Variants in SLC24A3 observed in about 807,000 individuals in gnomAD.
The protein encoded by SLC24A3 is solute carrier family 24 member 3, also known as sodium/potassium/calcium exchanger 3.
SLC24A3 carries 28 observed loss-of-function variants against 75.8 expected under a neutral mutation model. That is an observed-to-expected ratio of 0.37 (90% CI 0.27 to 0.51). The LOEUF is 0.51. Among genes scored for constraint, SLC24A3 ranks in the 20% least tolerant of loss-of-function variants. The probability of loss-of-function intolerance (pLI) is 0.94; values close to 1 mark genes in which losing one functional copy is unlikely to be tolerated. For synonymous variants in SLC24A3, 372 were observed against 334.1 expected (o/e 1.11, Z -1.24); for missense variants, 663 against 847.8 (o/e 0.78, Z 2.71).
In SLC24A3 at chr20:19,515,697, G is replaced by A. The variant is rs560812570; in HGVS notation, c.348+133G>A. 236 of 779,516 alleles carry A rather than the reference G, an allele frequency of 3.0e-4. 3 individuals are homozygous for A. The highest frequency in any genetic ancestry group is 2.3e-3 in the Middle Eastern group (6 of 2,640). 48.3% of individuals were successfully genotyped at this position (779,516 alleles called of 1,614,324 possible). A position where few individuals can be genotyped will look rare whatever the true frequency, so the allele number is the denominator to read the frequency against. On this transcript the variant is annotated intron_variant, in intron 3 of 16. Coordinates refer to ENST00000328041, the MANE Select transcript of SLC24A3 (RefSeq NM_020689.4). ...CCACGCTGCCTGGTGGGGGTCCTTC[G>A]AGCTCTGTAGGGGGCCATCACCAAA...
intron 2 of SLC24A3, among the ~76,000 whole-genome samples, chr20:19,464,909 T>C (rs1987738881): frequency 2.6e-5 from 4 of 152,244 alleles, no homozygotes; most frequent in African/African-American, 9.6e-5. Context: ...GTTGGCAGGA[T>C]ACTGCAGGCT....
intron 6 of SLC24A3, among the ~76,000 whole-genome samples, chr20:19,606,608 A>C (rs1020861529): frequency 5.3e-5 from 8 of 152,278 alleles, no homozygotes; most frequent in Admixed American, 3.3e-4. Flanking sequence ...TTTGTGCATA[A>C]ATATAAATAG....
At chr20:19,325,683 T>C (rs1395985818) in intron 2 of SLC24A3, among the ~76,000 whole-genome samples, 1 of 146,714 alleles carries the variant, frequency 6.8e-6, no homozygotes, top group Non-Finnish European at 1.5e-5. Flanking sequence ...GATTTTTTTG[T>C]TTTTTTGTTT....
intron 3 of SLC24A3, among the ~76,000 whole-genome samples, chr20:19,540,026 A>ACCTG (rs968457784): frequency 6.6e-6 from 1 of 152,044 alleles, no homozygotes; most frequent in African/African-American, 2.4e-5. Flanking sequence ...TTTGGGAGAG[A>ACCTG]CCTGTTTTGG....
At chr20:19,335,139 C>CAT (rs745488217) in intron 2 of SLC24A3, among the ~76,000 whole-genome samples, 16 of 152,098 alleles carry the variant, frequency 1.1e-4, no homozygotes. Flanking sequence ...TAAATAGCTA[C>CAT]ATACGGTTAT....
chr20:19,627,155 G>A (rs878914814), intron 6 of SLC24A3, among the ~76,000 whole-genome samples: 1 of 152,158 alleles, frequency 6.6e-6, no homozygotes, highest in Admixed American at 6.5e-5. Flanking sequence ...AAGATCTGAC[G>A]AAGTGAAAGT....
At chr20:19,546,173 A>AAAAACAAAC (rs2030589883) in intron 3 of SLC24A3, among the ~76,000 whole-genome samples, 1 of 149,002 alleles carries the variant, frequency 6.7e-6, no homozygotes, top group Non-Finnish European at 1.5e-5. Flanking sequence ...AAAAAAAAAA[A>AAAAACAAAC]AAAAAAAAAA....
Position 19,450,991 on chromosome 20 carries a change from C to A in SLC24A3, c.272-64497C>A, listed in dbSNP as rs56898925. On this transcript the variant is annotated intron_variant, in intron 2 of 16. Transcript: ENST00000328041. ...CTCCAGCCTGGGTGACAGAGCGAGA[C>A]TCTGTTTCAAAAAAAAAGGAAGAAA... 4.5e-3 allele frequency among the ~76,000 whole-genome samples: 690 copies of A among 152,122 alleles called. 5 individuals carry two copies. The highest frequency in any genetic ancestry group is 0.016 in the African/African-American group (653 of 41,514).
At chr20:19,351,157 C>T (rs558091475) in intron 2 of SLC24A3, among the ~76,000 whole-genome samples, 24 of 152,314 alleles carry the variant, frequency 1.6e-4, no homozygotes, top group Middle Eastern at 3.4e-3. Flanking sequence ...TTCCCTATGT[C>T]AACACCTTAT....
At chr20:19,696,712 C>A (rs113920890) in intron 13 of SLC24A3, 85 bp from the exon 14 acceptor site, 3 of 872,896 alleles carry the variant, frequency 3.4e-6, no homozygotes, top group Non-Finnish European at 5.7e-6. Flanking sequence ...AGACCATAGC[C>A]TGTTGTGAGT....
rs369462091 is a variant in SLC24A3 at position 19,564,476 on chromosome 20, C to T, written c.349-15524C>T. Among the ~76,000 whole-genome samples, 41 of 152,270 alleles carry T rather than the reference C, an allele frequency of 2.7e-4. No homozygotes were observed. In the East Asian group the frequency reaches 3.5e-3, roughly 13 times the overall value. ...TCATCATCCTTGTCTCCACCATCAT[C>T]ATATCACAATCACTATCGTCACCAT... is the stretch of plus-strand genomic sequence containing the variant. On this transcript the variant is annotated intron_variant, in intron 3 of 16. Transcript: ENST00000328041.
chr20:19,612,665 A>G (rs2031686524), intron 6 of SLC24A3, among the ~76,000 whole-genome samples: 1 of 149,458 alleles, frequency 6.7e-6, no homozygotes, highest in African/African-American at 2.5e-5. Flanking sequence ...TTAAAAATAC[A>G]TCCAGAATCT....
intron 2 of SLC24A3, among the ~76,000 whole-genome samples, chr20:19,367,938 A>T (rs1026720575): frequency 1.4e-4 from 21 of 152,240 alleles, no homozygotes; most frequent in African/African-American, 4.8e-4. Context: ...CTGCTATGAG[A>T]TTCAAAAGAA....
intron 2 of SLC24A3, among the ~76,000 whole-genome samples, chr20:19,385,768 A>G (rs542927713): frequency 6.5e-4 from 99 of 152,036 alleles, no homozygotes; most frequent in Middle Eastern, 3.4e-3. Flanking sequence ...CAGCCTTGCA[A>G]GTAGCTGGGA....
intron 3 of SLC24A3, among the ~76,000 whole-genome samples, chr20:19,540,213 C>G (rs188048338): frequency 6.6e-6 from 1 of 152,150 alleles, no homozygotes; most frequent in Non-Finnish European, 1.5e-5. Flanking sequence ...CCCAGCATGA[C>G]CCATCCCAAG....
At chr20:19,476,723 G>C (rs1305451302) in intron 2 of SLC24A3, among the ~76,000 whole-genome samples, 1 of 152,164 alleles carries the variant, frequency 6.6e-6, no homozygotes, top group African/African-American at 2.4e-5. Flanking sequence ...CCAGTTGAAA[G>C]TATGGGGCCT....
intron 2 of SLC24A3, among the ~76,000 whole-genome samples, chr20:19,284,938 T>C (rs1983769786): frequency 6.6e-6 from 1 of 152,180 alleles, no homozygotes; most frequent in African/African-American, 2.4e-5. Context: ...AGAAAACTTC[T>C]TCCCCTTGAC....
At chr20:19,242,770 A>G (rs946068113) in intron 1 of SLC24A3, among the ~76,000 whole-genome samples, 2 of 152,226 alleles carry the variant, frequency 1.3e-5, no homozygotes, top group Non-Finnish European at 2.9e-5. Flanking sequence ...AAATGGAGGC[A>G]AAATTGGTTT....
At chr20:19,219,666 G>A (rs1981653776) in intron 1 of SLC24A3, among the ~76,000 whole-genome samples, 2 of 152,136 alleles carry the variant, frequency 1.3e-5, no homozygotes, top group African/African-American at 4.8e-5. Flanking sequence ...GGCAAAAGAT[G>A]CAGACAGGCA....
Sources: allele counts gnomAD v4.1 joint callset (sites outside exome capture counted in the v4.1 genomes callset), GRCh38; gene constraint gnomAD v4.1.1; transcripts MANE v1.5; gene names NCBI Gene and HGNC (gene_info 2026-07-23, HGNC 2026-07-21).